The following SLTM variants were observed in gnomAD, a reference collection of about 807,000 sequenced individuals.
SLTM encodes SAFB-like transcription modulator.
SLTM carries 43 observed loss-of-function variants against 134.6 expected under a neutral mutation model. That is an observed-to-expected ratio of 0.32 (90% CI 0.25 to 0.41). The LOEUF is 0.41. Ranked by LOEUF, SLTM falls within the 10% of genes least tolerant of loss-of-function variation. The pLI is 1.00. For missense variants in SLTM, 1,055 were observed against 1,288.8 expected (o/e 0.82, Z 2.78); for synonymous variants, 424 against 432.3 (o/e 0.98, Z 0.24).
At chr15:58,904,069 C>G (rs549517280) in intron 5 of SLTM, among the ~76,000 whole-genome samples, 1 of 152,298 alleles carries the variant, frequency 6.6e-6, no homozygotes, top group South Asian at 2.1e-4. Flanking sequence ...GTGGTGTGAT[C>G]TCAGCTCACT....
rs1218466078 is a variant in SLTM, at chr15:58,916,031, T to C, written c.315+904A>G. 3.9e-5 allele frequency among the ~76,000 whole-genome samples: 6 copies of C among 152,170 alleles called. No homozygotes were observed. In the East Asian group the frequency reaches 7.7e-4, roughly 20 times the overall value. ...TAGCTTGTTCTATAGCTGTAGTATATAGAACTGCCACAACCCCAATTAAAA... is the reference window on the plus strand; with the variant it reads ...TAGCTTGTTCTATAGCTGTAGTATACAGAACTGCCACAACCCCAATTAAAA... On this transcript the variant is annotated intron_variant, in intron 3 of 20. Transcript: ENST00000380516.
chr15:58,902,411 G>C (rs1282297455), intron 5 of SLTM, among the ~76,000 whole-genome samples: 3 of 149,568 alleles, frequency 2.0e-5, no homozygotes, highest in African/African-American at 7.4e-5. Context: ...TTTTAAACAG[G>C]TTCCTTACTC....
At chr15:58,880,558 T>C (rs1377398465) in intron 20 of SLTM, among the ~76,000 whole-genome samples, 2 of 152,066 alleles carry the variant, frequency 1.3e-5, no homozygotes, top group South Asian at 2.1e-4. Flanking sequence ...GTTTGTTCTT[T>C]TAAATATATA....
chr15:58,888,582 C>G, intron 16 of SLTM, 27 bp from the exon 17 acceptor site: 2 of 1,610,586 alleles, frequency 1.2e-6, no homozygotes, highest in Non-Finnish European at 1.7e-6. Flanking sequence ...TGCTTATTTA[C>G]ATAAATTAGT....
chr15:58,927,158 A>C (rs2037531920), intron 2 of SLTM, among the ~76,000 whole-genome samples: 1 of 152,200 alleles, frequency 6.6e-6, no homozygotes, highest in African/African-American at 2.4e-5. Flanking sequence ...AAAAGATAAA[A>C]ACTATTAATC....
intron 5 of SLTM, among the ~76,000 whole-genome samples, chr15:58,911,782 G>A (rs138328315): frequency 9.3e-4 from 141 of 152,194 alleles, no homozygotes; most frequent in African/African-American, 3.1e-3. Flanking sequence ...ACAGTGAAGT[G>A]CAGTCATTTT....
rs924666720 is a variant in SLTM, at chr15:58,879,863, C to A, written c.*136G>T. On this transcript the variant is annotated 3_prime_UTR_variant, in exon 21 of 21. Coordinates refer to ENST00000380516, the MANE Select transcript of SLTM (RefSeq NM_024755.4). ...ACATCTTCTCCAAAATTGAGAAAAGCAATCATGTTAAATTTTTAAAAAGAA... is the reference window on the plus strand; with the variant it reads ...ACATCTTCTCCAAAATTGAGAAAAGAAATCATGTTAAATTTTTAAAAAGAA... The A allele has an allele frequency of 1.4e-5, 15 of 1,047,938 alleles. No individual in the cohort carries two copies. The highest frequency in any genetic ancestry group is 2.2e-5 in the South Asian group (1 of 45,716). The allele number at this position is 1,047,938 out of a possible 1,614,324, so 64.9% of individuals were successfully genotyped here. A position where few individuals can be genotyped will look rare whatever the true frequency, so the allele number is the denominator to read the frequency against.
At chr15:58,902,706 A>C (rs1245474172) in intron 5 of SLTM, among the ~76,000 whole-genome samples, 1 of 148,700 alleles carries the variant, frequency 6.7e-6, no homozygotes. Context: ...TGTTTTAATA[A>C]CTTGTTTTGT....
chr15:58,889,272 A>G (rs879230620), intron 16 of SLTM, 158 bp downstream of exon 16: 3 of 796,302 alleles, frequency 3.8e-6, no homozygotes, highest in South Asian at 4.0e-5. Context: ...CCCACTTGCT[A>G]GTGCACTGGG....
rs1191612784 is a variant in SLTM at position 58,879,861 on chromosome 15, A to G, written c.*138T>C. ...AAACATCTTCTCCAAAATTGAGAAA[A>G]GCAATCATGTTAAATTTTTAAAAAG... On this transcript the variant is annotated 3_prime_UTR_variant, in exon 21 of 21. Coordinates refer to ENST00000380516, the MANE Select transcript of SLTM (RefSeq NM_024755.4). 1.9e-6 allele frequency: 2 copies of G among 1,045,256 alleles called. No homozygotes were observed. Among genetic ancestry groups the G allele is most frequent in the Admixed American group, 6.3e-5 (2 of 31,784 alleles). 64.7% of individuals were successfully genotyped at this position (1,045,256 alleles called of 1,614,324 possible).
rs557720026 is a variant in SLTM at position 58,880,111 on chromosome 15, A to G, written c.2997-4T>C. On this transcript the variant is annotated splice_polypyrimidine_tract_variant and splice_region_variant and intron_variant, in intron 20 of 20. Coordinates refer to ENST00000380516, the MANE Select transcript of SLTM (RefSeq NM_024755.4). ...TCTATTAATTGGGGATGCGTTACTGAAAAAGGTTTAAAAGAAAAAAACATC... is the reference window on the plus strand; with the variant it reads ...TCTATTAATTGGGGATGCGTTACTGGAAAAGGTTTAAAAGAAAAAAACATC... 2 of 1,609,614 alleles carry G rather than the reference A, an allele frequency of 1.2e-6. No individual in the cohort carries two copies. The highest frequency in any genetic ancestry group is 1.1e-5 in the South Asian group (1 of 90,218).
At chr15:58,902,433 C>A (rs1341947823) in intron 5 of SLTM, among the ~76,000 whole-genome samples, 1 of 150,000 alleles carries the variant, frequency 6.7e-6, no homozygotes, top group Admixed American at 6.7e-5. Context: ...GTCGTCCAGG[C>A]TAGAGTGCAG....
At position 58,879,258 on chromosome 15, in the gene SLTM, C is replaced by CACTT. The variant is rs2033507365; in HGVS notation, c.*737_*740dup. On this transcript the variant is annotated 3_prime_UTR_variant, in exon 21 of 21. Coordinates refer to ENST00000380516, the MANE Select transcript of SLTM (RefSeq NM_024755.4). ...AAACAGTGCAGATTACCTAAAAGTG[C>CACTT]ACTTACCTGCACAACTCGGTCTAAG... 1 of 152,188 alleles carries CACTT rather than the reference C, an allele frequency of 6.6e-6. No individual in the cohort carries two copies. The highest frequency in any genetic ancestry group is 1.9e-4 in the East Asian group (1 of 5,204). The allele number at this position is 152,188 out of a possible 1,614,324, so 9.4% of individuals were successfully genotyped here.
chr15:58,892,862 T>C lies in SLTM; in HGVS notation c.1898+35A>G, dbSNP rs770711693. 3 of 1,590,600 alleles carry C rather than the reference T, an allele frequency of 1.9e-6. No individual in the cohort carries two copies. In the South Asian group the frequency reaches 3.4e-5, roughly 18 times the overall value. On this transcript the variant is annotated intron_variant, in intron 14 of 20. Coordinates refer to ENST00000380516, the MANE Select transcript of SLTM (RefSeq NM_024755.4). ...AACTAGTGTTAAATATTTACCTATA[T>C]TTAAAGACAGGTATAAAACAGACTC...
Position 58,887,063 on chromosome 15 carries a change from G to C in SLTM, c.2747C>G (p.Ala916Gly). The change falls in exon 19 of 21, where the codon GCT (alanine) becomes GGT (glycine). Residue 916 changes from alanine to glycine, a missense_variant. Ala to Gly is a moderately conservative substitution (Grantham distance 60). Transcript: ENST00000380516. ...AGCGCTGCTACGATTCCCAGGGGGA[G>C]CGCCTCTCACACTGTGCCCTGATAC... ...REVSGHSVRG[A>G]PPGNRSSASG... The C allele has an allele frequency of 6.2e-7, 1 of 1,613,944 alleles. No homozygotes were observed.
Position 58,879,284 on chromosome 15 carries a change from A to T in SLTM, c.*715T>A, listed in dbSNP as rs2033510188. ...ACTTACCTGCACAACTCGGTCTAAG[A>T]ACCTTGTGAAACAAACCTCATGGCC... On this transcript the variant is annotated 3_prime_UTR_variant, in exon 21 of 21. Transcript: ENST00000380516. 1 of 152,250 alleles carries T rather than the reference A, an allele frequency of 6.6e-6. No homozygotes were observed. Among genetic ancestry groups the T allele is most frequent in the Non-Finnish European group, 1.5e-5 (1 of 68,034 alleles). The allele number at this position is 152,250 out of a possible 1,614,324, so 9.4% of individuals were successfully genotyped here. A position where few individuals can be genotyped will look rare whatever the true frequency, so the allele number is the denominator to read the frequency against.
intron 5 of SLTM, among the ~76,000 whole-genome samples, chr15:58,911,409 T>A (rs1396575997): frequency 6.6e-6 from 1 of 152,060 alleles, no homozygotes; most frequent in African/African-American, 2.4e-5. Flanking sequence ...GGAACCCATA[T>A]CTCTATTTGA....
At chr15:58,900,332 C>G (rs2035380369) in intron 6 of SLTM, 1 of 178,630 alleles carries the variant, frequency 5.6e-6, no homozygotes, top group Non-Finnish European at 1.2e-5. Context: ...TTCAGAACTC[C>G]CATGGTGACT....
Position 58,893,060 on chromosome 15 carries a change from T to C in SLTM, c.1735A>G (p.Ile579Val). Residue 579 changes from isoleucine (I) to valine (V), a missense_variant and splice_region_variant, in exon 14 of 21, where the codon ATT becomes GTT. Ile to Val is a conservative substitution (Grantham distance 29). This residue lies in a region of SLTM where 776 missense variants were observed against 962.2 expected (regional missense o/e 0.81). Coordinates refer to ENST00000380516, the MANE Select transcript of SLTM (RefSeq NM_024755.4). ...RPSRRGRYEK[I>V]HGRSKEKERA... ...TCCTTTTCCTTACTTCTTCCATGAA[T>C]CTGTAGAAAAAAATTAGAAGAACAC... 6.4e-7 allele frequency: 1 copy of C among 1,570,420 alleles called. No homozygotes were observed. The highest frequency in any genetic ancestry group is 8.6e-7 in the Non-Finnish European group (1 of 1,166,936).
Sources: gnomAD v4.1 joint callset for allele counts (sites outside exome capture counted in the v4.1 genomes callset) on GRCh38, gnomAD v4.1.1 for gene constraint, gnomAD v4.1.1 regional missense constraint, MANE v1.5 for transcripts, NCBI Gene and HGNC (gene_info 2026-07-23, HGNC 2026-07-21) for gene names.